ADD2: variants seen among roughly 807,000 people sequenced by gnomAD.
ADD2 encodes beta-adducin.
A neutral mutation model predicts 83.0 loss-of-function variants in ADD2; 23 were observed. That is an observed-to-expected ratio of 0.28 (90% CI 0.20 to 0.39). The LOEUF (loss-of-function observed/expected upper bound fraction) is 0.39, where lower values mean the gene tolerates loss of function less well. Among genes scored for constraint, ADD2 ranks in the 10% least tolerant of loss-of-function variants. The pLI is 1.00. For missense variants in ADD2, 758 were observed against 944.9 expected (o/e 0.80, Z 2.59); for synonymous variants, 375 against 375.4 (o/e 1.00, Z 0.01).
intron 15 of ADD2, among the ~76,000 whole-genome samples, chr2:70,669,564 A>T (rs762048977): frequency 6.6e-6 from 1 of 152,208 alleles, no homozygotes; most frequent in African/African-American, 2.4e-5. Flanking sequence ...TGTTCCTCTA[A>T]GTACCCAAAT....
chr2:70,668,263 T>G (rs568495241), intron 15 of ADD2, among the ~76,000 whole-genome samples: 30 of 152,226 alleles, frequency 2.0e-4, no homozygotes, highest in African/African-American at 6.5e-4. Context: ...TCTGGAGAAC[T>G]CTAATACAGT....
At chr2:70,758,339 G>C (rs1365442831) in intron 1 of ADD2, among the ~76,000 whole-genome samples, 3 of 151,128 alleles carry the variant, frequency 2.0e-5, no homozygotes, top group South Asian at 4.2e-4. Context: ...AGGCTTTCTG[G>C]AAGTTTGCCT....
chr2:70,767,654 C>T (rs1453656333), intron 1 of ADD2: 7 of 1,359,848 alleles, frequency 5.1e-6, no homozygotes, highest in Non-Finnish European at 6.6e-6. Flanking sequence ...CAAGCAGGGG[C>T]CAGTGCTTGC....
At chr2:70,665,231 G>A (rs1421659500) in intron 15 of ADD2, among the ~76,000 whole-genome samples, 1 of 152,092 alleles carries the variant, frequency 6.6e-6, no homozygotes, top group Non-Finnish European at 1.5e-5. Flanking sequence ...GGACAGAGTG[G>A]GGTAACTTGT....
Position 70,676,917 on chromosome 2 carries a change from G to T in ADD2, c.1504-32C>A, listed in dbSNP as rs945517971. 1.9e-6 allele frequency: 3 copies of T among 1,604,224 alleles called. No individual in the cohort carries two copies. In the African/African-American group the frequency reaches 4.0e-5, roughly 21 times the overall value. The stretch of plus-strand genomic sequence containing the variant: ...GGAAAGGGGAGAGGAAGAGTGAGCT[G>T]GCTGTTCAGGGTCAGCGTGGAGTTT... On this transcript the variant is annotated intron_variant, in intron 12 of 15. Transcript: ENST00000264436. The surrounding 1 kb of genome is among the most constrained non-coding windows in gnomAD (Gnocchi z 4.8).
intron 1 of ADD2, among the ~76,000 whole-genome samples, chr2:70,763,427 G>C (rs1029636329): frequency 2.0e-5 from 3 of 151,930 alleles, no homozygotes; most frequent in Non-Finnish European, 4.4e-5. Context: ...CCAAGAATCT[G>C]TGTGTGTCCC....
At chr2:70,716,388 G>A (rs537504077) in intron 1 of ADD2, among the ~76,000 whole-genome samples, 4 of 152,100 alleles carry the variant, frequency 2.6e-5, no homozygotes, top group East Asian at 1.9e-4. Context: ...TGGGGCTGGA[G>A]TCTGCCAGGA....
rs782343434 is a variant in ADD2, at chr2:70,754,754, G to T, written c.-154+13132C>A. 4.5e-4 allele frequency among the ~76,000 whole-genome samples: 68 copies of T among 152,122 alleles called. No individual in the cohort carries two copies. The Middle Eastern group carries it at 0.024, about 53-fold the overall frequency. On this transcript the variant is annotated intron_variant, in intron 1 of 15. Coordinates refer to ENST00000264436, the MANE Select transcript of ADD2 (RefSeq NM_001617.4). ...CACCCTCTCCCGTGGTCATACCCTA[G>T]ATCTTGCTGCTACCAAGATCACCAC...
Position 70,693,311 on chromosome 2 carries a change from A to C in ADD2, c.556-759T>G, listed in dbSNP as rs1671144216. On this transcript the variant is annotated intron_variant, in intron 6 of 15. Transcript: ENST00000264436. ...GGAGTGCAATCTCCCGGCAGCTGGA[A>C]GTTAACCTAACTTCACTGACTGCAG... 2.0e-5 allele frequency among the ~76,000 whole-genome samples: 3 copies of C among 152,168 alleles called. No individual in the cohort carries two copies. The South Asian group carries it at 6.2e-4, about 32-fold the overall frequency.
Position 70,702,228 on chromosome 2 carries a change from G to A in ADD2, c.322+2093C>T, listed in dbSNP as rs1234646840. ...GTCACTCAGACTGGAGTGCAGTGGT[G>A]CAATCTCAGCTCACTGCAACCTCCA... is the stretch of plus-strand genomic sequence containing the variant. On this transcript the variant is annotated intron_variant, in intron 4 of 15. Coordinates refer to ENST00000264436, the MANE Select transcript of ADD2 (RefSeq NM_001617.4). Among the ~76,000 whole-genome samples the A allele has an allele frequency of 3.3e-5, 5 of 152,168 alleles. No homozygotes were observed. The East Asian group carries it at 5.8e-4, about 18-fold the overall frequency.
intron 2 of ADD2, among the ~76,000 whole-genome samples, chr2:70,711,723 T>A (rs1010780598): frequency 6.6e-6 from 1 of 152,226 alleles, no homozygotes; most frequent in Admixed American, 6.5e-5. Context: ...CTCTGACCTA[T>A]GGATGCATCT....
chr2:70,740,291 G>A (rs1179397773), intron 1 of ADD2, among the ~76,000 whole-genome samples: 1 of 152,008 alleles, frequency 6.6e-6, no homozygotes, highest in African/African-American at 2.4e-5. Context: ...AAAATAACAG[G>A]ATCATAATAA....
At chr2:70,694,105 C>T (rs1671190128) in intron 6 of ADD2, among the ~76,000 whole-genome samples, 1 of 152,212 alleles carries the variant, frequency 6.6e-6, no homozygotes, top group South Asian at 2.1e-4. Context: ...ACACAGCAGC[C>T]CTATGTCTAC....
chr2:70,711,087 G>A (rs1672154700), intron 2 of ADD2: 1 of 152,190 alleles, frequency 6.6e-6, no homozygotes, highest in African/African-American at 2.4e-5. Flanking sequence ...TTCCCAACCA[G>A]ATAATGGGAA....
chr2:70,694,827 C>A (rs1411766005), intron 6 of ADD2, among the ~76,000 whole-genome samples: 1 of 152,062 alleles, frequency 6.6e-6, no homozygotes, highest in Non-Finnish European at 1.5e-5. Context: ...CACTCGGTAA[C>A]CCTGAGCTTT....
At chr2:70,731,748 C>T (rs752246048) in intron 1 of ADD2, among the ~76,000 whole-genome samples, 4 of 152,158 alleles carry the variant, frequency 2.6e-5, no homozygotes, top group African/African-American at 4.8e-5. Flanking sequence ...AATCCCTCTA[C>T]GGACCCCACA....
intron 1 of ADD2, among the ~76,000 whole-genome samples, chr2:70,766,476 T>C (rs1457269039): frequency 6.6e-6 from 1 of 152,246 alleles, no homozygotes; most frequent in African/African-American, 2.4e-5. Context: ...CTAATGGAGA[T>C]ATTATTTGCA....
At chr2:70,718,414 A>C (rs1208823468) in intron 1 of ADD2, among the ~76,000 whole-genome samples, 2 of 152,226 alleles carry the variant, frequency 1.3e-5, no homozygotes, top group Non-Finnish European at 2.9e-5. Context: ...CTTGCATGCA[A>C]GTGAAACATA....
At chr2:70,761,257 G>T (rs1366822538) in intron 1 of ADD2, among the ~76,000 whole-genome samples, 6 of 149,700 alleles carry the variant, frequency 4.0e-5, no homozygotes, top group African/African-American at 1.5e-4. Flanking sequence ...CAATAATCTG[G>T]ATCTAAAAGC....
Sources: gnomAD v4.1 joint callset for allele counts (sites outside exome capture counted in the v4.1 genomes callset) on GRCh38, gnomAD v4.1.1 for gene constraint, Gnocchi (gnomAD v3.1) non-coding constraint, MANE v1.5 for transcripts, NCBI Gene and HGNC (gene_info 2026-07-23, HGNC 2026-07-21) for gene names.